The following CLASP1 variants were observed in gnomAD, a reference collection of about 807,000 sequenced individuals.
CLASP1 encodes CLIP-associating protein 1.
In CLASP1, 38 loss-of-function variants were observed where a neutral mutation model predicts 192.3. The observed-to-expected ratio is 0.20, with a 90% confidence interval of 0.15 to 0.26. The LOEUF is 0.26. CLASP1 is among the 10% of genes least tolerant of loss of function. The probability of loss-of-function intolerance (pLI) is 1.00; values close to 1 mark genes in which losing one functional copy is unlikely to be tolerated. For missense variants in CLASP1, 1,433 were observed against 1,932.5 expected, an observed-to-expected ratio of 0.74 and a Z score of 4.85; for synonymous variants, 691 against 712.8, an observed-to-expected ratio of 0.97 and a Z score of 0.49.
chr2:121,454,009 A>C (rs2086099651), intron 14 of CLASP1, among the ~76,000 whole-genome samples: 2 of 152,166 alleles, frequency 1.3e-5, no homozygotes. Context: ...CTAAATACAG[A>C]AATAACAATC....
chr2:121,603,659 A>C (rs1196357238), intron 2 of CLASP1, among the ~76,000 whole-genome samples: 2 of 152,254 alleles, frequency 1.3e-5, no homozygotes, highest in African/African-American at 4.8e-5. Flanking sequence ...TCACAACAGC[A>C]AAGAATCAAC....
chr2:121,452,914 A>G (rs1202173362), intron 14 of CLASP1, among the ~76,000 whole-genome samples: 1 of 152,250 alleles, frequency 6.6e-6, no homozygotes, highest in African/African-American at 2.4e-5. Flanking sequence ...TCAGAAGTAA[A>G]ATCTTTCTCT....
chr2:121,638,266 CTTATA>C (rs1377944544), intron 1 of CLASP1, among the ~76,000 whole-genome samples: 2 of 151,802 alleles, frequency 1.3e-5, no homozygotes, highest in South Asian at 2.1e-4. Context: ...TAAGATACTA[CTTATA>C]TTATAGAATG....
At chr2:121,562,637 C>T (rs4075344) in intron 2 of CLASP1, among the ~76,000 whole-genome samples, 38,340 of 152,118 alleles carry the variant, frequency 0.25, 7,711 homozygotes, top group African/African-American at 0.56. Flanking sequence ...TGGGGAACTA[C>T]CTCAAACTCT....
At chr2:121,468,463 T>G (rs2090061581) in intron 9 of CLASP1, among the ~76,000 whole-genome samples, 1 of 152,220 alleles carries the variant, frequency 6.6e-6, no homozygotes, top group Non-Finnish European at 1.5e-5. Context: ...AGCAGTGTTT[T>G]GTAGTGCTCC....
chr2:121,427,608 A>G (rs1232757407), intron 20 of CLASP1, 178 bp from the exon 21 acceptor site: 1 of 658,614 alleles, frequency 1.5e-6, no homozygotes, highest in East Asian at 2.8e-5. Flanking sequence ...TATCTTTGTC[A>G]TTCTACATTA....
intron 2 of CLASP1, among the ~76,000 whole-genome samples, chr2:121,571,536 A>C (rs1359183374): frequency 2.0e-5 from 3 of 152,218 alleles, no homozygotes; most frequent in African/African-American, 7.2e-5. Flanking sequence ...TAGTTGAAAC[A>C]AGTAGCAAAT....
At chr2:121,487,439 G>A (rs952701815) in intron 8 of CLASP1, among the ~76,000 whole-genome samples, 7 of 152,078 alleles carry the variant, frequency 4.6e-5, no homozygotes, top group Non-Finnish European at 7.4e-5. Flanking sequence ...TGTCCCCAGC[G>A]TATTCAGCAT....
intron 32 of CLASP1, among the ~76,000 whole-genome samples, chr2:121,384,815 A>G (rs2149368368): frequency 6.6e-6 from 1 of 152,318 alleles, no homozygotes; most frequent in East Asian, 1.9e-4. Context: ...CCAAAGGCGG[A>G]GGTTTCAGTG....
At chr2:121,494,965 C>T (rs1251448648) in intron 8 of CLASP1, among the ~76,000 whole-genome samples, 1 of 151,906 alleles carries the variant, frequency 6.6e-6, no homozygotes, top group African/African-American at 2.4e-5. Context: ...GAGGTAACAG[C>T]GAGCCAAGAT....
chr2:121,523,109 AG>A (rs1020690843), intron 6 of CLASP1, among the ~76,000 whole-genome samples: 29 of 152,368 alleles, frequency 1.9e-4, no homozygotes, highest in Admixed American at 9.1e-4. Context: ...AGTGACCCCA[AG>A]GTCAGCTATT....
intron 6 of CLASP1, among the ~76,000 whole-genome samples, chr2:121,521,000 T>C (rs1171275624): frequency 6.6e-6 from 1 of 152,176 alleles, no homozygotes; most frequent in Non-Finnish European, 1.5e-5. Context: ...GGAAAGCTTC[T>C]AGAAAACATT....
At chr2:121,617,685 T>C (rs2066685205) in intron 1 of CLASP1, among the ~76,000 whole-genome samples, 1 of 152,236 alleles carries the variant, frequency 6.6e-6, no homozygotes, top group African/African-American at 2.4e-5. Context: ...AAACAAATGC[T>C]TATGCCTTCT....
chr2:121,445,701 T>C (rs1003459047), intron 19 of CLASP1, among the ~76,000 whole-genome samples: 2 of 152,218 alleles, frequency 1.3e-5, no homozygotes, highest in African/African-American at 4.8e-5. Context: ...GTCTCGTTCT[T>C]TGAAGAGGTT....
chr2:121,357,296 C>T lies in CLASP1; in HGVS notation c.4206+5876G>A, dbSNP rs867812105. 7.9e-5 allele frequency among the ~76,000 whole-genome samples: 12 copies of T among 152,308 alleles called. No individual in the cohort carries two copies. The South Asian group carries it at 1.4e-3, about 18-fold the overall frequency. On this transcript the variant is annotated intron_variant, in intron 37 of 39. Transcript: ENST00000263710. Reference sequence around the variant, plus strand: ...GACAACAATTCTATTCAAAATCAGTCTACTTTCTTCAATGGAAGAGTATAA... The same window carrying T: ...GACAACAATTCTATTCAAAATCAGTTTACTTTCTTCAATGGAAGAGTATAA...
chr2:121,453,580 A>AG (rs1559261069), intron 14 of CLASP1, among the ~76,000 whole-genome samples: 11 of 152,084 alleles, frequency 7.2e-5, no homozygotes, highest in African/African-American at 2.7e-4. Flanking sequence ...CCAATCCCCA[A>AG]TCTAGACCAT....
intron 2 of CLASP1, among the ~76,000 whole-genome samples, chr2:121,563,839 C>T (rs981355974): frequency 3.3e-5 from 5 of 152,178 alleles, no homozygotes; most frequent in African/African-American, 1.2e-4. Context: ...CTGATAAAGA[C>T]ATATCCAAGA....
rs182556755 is a variant in CLASP1, at chr2:121,461,660, T to G, written c.940-467A>C. Among the ~76,000 whole-genome samples, 211 of 152,284 alleles carry G rather than the reference T, an allele frequency of 1.4e-3. 1 individual carries two copies. The highest frequency in any genetic ancestry group is 5.0e-3 in the African/African-American group (207 of 41,566). On this transcript the variant is annotated intron_variant, in intron 10 of 39. Transcript: ENST00000263710. The stretch of plus-strand genomic sequence containing the variant: ...ATGCTGGGAAGGTCAGGTCAAGTAC[T>G]TAAGGATGAACCTGAACCCGAGATT...
intron 23 of CLASP1, among the ~76,000 whole-genome samples, chr2:121,413,327 G>C (rs1368738930): frequency 6.6e-6 from 1 of 152,228 alleles, no homozygotes; most frequent in African/African-American, 2.4e-5. Flanking sequence ...GAAGAAAAGA[G>C]AAAATACCAG....
Sources: allele counts gnomAD v4.1 joint callset (sites outside exome capture counted in the v4.1 genomes callset), GRCh38; gene constraint gnomAD v4.1.1; transcripts MANE v1.5; gene names NCBI Gene and HGNC (gene_info 2026-07-23, HGNC 2026-07-21).